PCP4: variants seen among roughly 807,000 people sequenced by gnomAD.
PCP4 encodes calmodulin regulator protein PCP4.
In PCP4, 8 loss-of-function variants were observed where a neutral mutation model predicts 10.0. That is an observed-to-expected ratio of 0.80 (90% CI 0.47 to 1.45). The LOEUF (loss-of-function observed/expected upper bound fraction) is 1.45. Ranked by LOEUF, PCP4 falls within the 40% of genes most tolerant of loss-of-function variation. The pLI is 0.00. For synonymous variants in PCP4, 21 were observed against 23.0 expected, an observed-to-expected ratio of 0.91 and a Z score of 0.24; for missense variants, 54 against 74.4, an observed-to-expected ratio of 0.73 and a Z score of 1.01.
At chr21:39,907,132 T>C (rs2087515393) in intron 2 of PCP4, among the ~76,000 whole-genome samples, 1 of 152,172 alleles carries the variant, frequency 6.6e-6, no homozygotes, top group Admixed American at 6.5e-5. Flanking sequence ...TGCTAATATT[T>C]CTCCTTGGAA....
chr21:39,926,198 G>T, intron 2 of PCP4: 4 of 342,022 alleles, frequency 1.2e-5, no homozygotes, highest in South Asian at 2.3e-5. Flanking sequence ...AAATGTTAGT[G>T]GTTTCTTTTT....
At chr21:39,891,993 G>T (rs1303932027) in intron 1 of PCP4, among the ~76,000 whole-genome samples, 1 of 152,216 alleles carries the variant, frequency 6.6e-6, no homozygotes, top group Non-Finnish European at 1.5e-5. Flanking sequence ...CTGCAGGCAG[G>T]CCTGGATAAT....
intron 1 of PCP4, among the ~76,000 whole-genome samples, chr21:39,869,859 T>C (rs954670604): frequency 3.9e-5 from 6 of 152,230 alleles, no homozygotes; most frequent in African/African-American, 1.4e-4. Flanking sequence ...CAGATCATCA[T>C]TTACTTGCAT....
Position 39,891,185 on chromosome 21 carries a change from A to G in PCP4, c.10-7291A>G, listed in dbSNP as rs186655608. Reference sequence around the variant, plus strand: ...TGATTTTGCAACTTAGTGAAAAAAAAATAGTCACCCAGCCTTGTCTATGTG... The same window carrying G: ...TGATTTTGCAACTTAGTGAAAAAAAGATAGTCACCCAGCCTTGTCTATGTG... On this transcript the variant is annotated intron_variant, in intron 1 of 2. Transcript: ENST00000328619. Among the ~76,000 whole-genome samples the G allele has an allele frequency of 2.5e-3, 378 of 152,272 alleles. 3 individuals carry two copies. The highest frequency in any genetic ancestry group is 0.01 in the Middle Eastern group (3 of 294).
intron 2 of PCP4, among the ~76,000 whole-genome samples, chr21:39,925,183 C>T (rs1326400383): frequency 6.6e-6 from 1 of 152,182 alleles, no homozygotes; most frequent in Non-Finnish European, 1.5e-5. Flanking sequence ...GGCTGTGTCC[C>T]TCTGGCTGCC....
intron 2 of PCP4, among the ~76,000 whole-genome samples, chr21:39,922,050 C>T (rs1365595856): frequency 6.6e-6 from 1 of 152,176 alleles, no homozygotes; most frequent in Non-Finnish European, 1.5e-5. Context: ...CAGGATCTCA[C>T]TATGTTGCCC....
intron 2 of PCP4, among the ~76,000 whole-genome samples, chr21:39,904,362 A>G (rs2087496504): frequency 6.6e-6 from 1 of 152,098 alleles, no homozygotes; most frequent in Non-Finnish European, 1.5e-5. Flanking sequence ...TGCTTAGGAT[A>G]TATTTTATCT....
At chr21:39,872,879 T>C (rs2087327064) in intron 1 of PCP4, among the ~76,000 whole-genome samples, 3 of 152,224 alleles carry the variant, frequency 2.0e-5, no homozygotes, top group African/African-American at 7.2e-5. Context: ...AACCTGTGTT[T>C]GCCATGTAAA....
chr21:39,891,749 G>T (rs1000134466), intron 1 of PCP4, among the ~76,000 whole-genome samples: 2 of 152,202 alleles, frequency 1.3e-5, no homozygotes, highest in Non-Finnish European at 2.9e-5. Flanking sequence ...TACAGGATAG[G>T]GGGCCCTTCC....
At chr21:39,918,564 G>A (rs1163303673) in intron 2 of PCP4, among the ~76,000 whole-genome samples, 1 of 152,172 alleles carries the variant, frequency 6.6e-6, no homozygotes, top group Non-Finnish European at 1.5e-5. Context: ...ACCAAAGAAG[G>A]CACTAACTTG....
intron 1 of PCP4, among the ~76,000 whole-genome samples, chr21:39,879,457 T>G (rs2205126): frequency 0.46 from 70,384 of 152,026 alleles, 17,804 homozygotes; most frequent in African/African-American, 0.67. Context: ...TCACTTTTTT[T>G]CTGAGTTCTT....
At chr21:39,888,738 G>T (rs2087414187) in intron 1 of PCP4, among the ~76,000 whole-genome samples, 1 of 152,144 alleles carries the variant, frequency 6.6e-6, no homozygotes, top group Non-Finnish European at 1.5e-5. Context: ...GGAAGCAGTG[G>T]GTCCCTTCTG....
intron 1 of PCP4, among the ~76,000 whole-genome samples, chr21:39,897,972 G>A (rs913479972): frequency 1.3e-5 from 2 of 150,176 alleles, no homozygotes; most frequent in African/African-American, 4.9e-5. Flanking sequence ...TGTGAACCTG[G>A]GAGGCGGAGG....
chr21:39,925,126 C>A (rs566191949), intron 2 of PCP4, among the ~76,000 whole-genome samples: 1 of 152,346 alleles, frequency 6.6e-6, no homozygotes, highest in African/African-American at 2.4e-5. Context: ...TCCCTGACGT[C>A]ATTCTCAGGT....
At chr21:39,905,345 G>A (rs2087501845) in intron 2 of PCP4, among the ~76,000 whole-genome samples, 2 of 152,116 alleles carry the variant, frequency 1.3e-5, no homozygotes, top group Non-Finnish European at 1.5e-5. Flanking sequence ...TTTCTATTCT[G>A]GAAGGAAGAA....
At chr21:39,911,668 GC>G (rs530808905) in intron 2 of PCP4, among the ~76,000 whole-genome samples, 26 of 152,320 alleles carry the variant, frequency 1.7e-4, no homozygotes, top group African/African-American at 6.3e-4. Context: ...GTGCTCCCCA[GC>G]CCCATGGCAA....
At chr21:39,926,343 A>G (rs2087621287) in intron 2 of PCP4, among the ~76,000 whole-genome samples, 1 of 152,190 alleles carries the variant, frequency 6.6e-6, no homozygotes, top group East Asian at 1.9e-4. Context: ...TAATATACAT[A>G]ATTTTCTGCG....
chr21:39,895,764 C>T (rs904732337), intron 1 of PCP4, among the ~76,000 whole-genome samples: 4 of 152,166 alleles, frequency 2.6e-5, no homozygotes, highest in African/African-American at 4.8e-5. Context: ...CATGATTACC[C>T]GACACCCAGC....
intron 1 of PCP4, among the ~76,000 whole-genome samples, chr21:39,871,242 T>C (rs1176849759): frequency 6.6e-6 from 1 of 152,212 alleles, no homozygotes; most frequent in Non-Finnish European, 1.5e-5. Flanking sequence ...GGGGCTTACA[T>C]AGTTGACTCT....
Sources: gnomAD v4.1 joint callset for allele counts (sites outside exome capture counted in the v4.1 genomes callset) on GRCh38, gnomAD v4.1.1 for gene constraint, MANE v1.5 for transcripts, NCBI Gene and HGNC (gene_info 2026-07-23, HGNC 2026-07-21) for gene names.